Variants in RABGAP1L observed in about 807,000 individuals in gnomAD.
RABGAP1L encodes the protein RAB GTPase activating protein 1 like.
Under a neutral mutation model 137.7 loss-of-function variants are expected in RABGAP1L, and 63 were observed. The observed-to-expected ratio is 0.46, with a 90% CI of 0.37 to 0.56. The LOEUF (loss-of-function observed/expected upper bound fraction) is 0.56, where lower values mean the gene tolerates loss of function less well. Among genes scored for constraint, RABGAP1L ranks in the 20% least tolerant of loss-of-function variants. RABGAP1L has a pLI of 0.00. For missense variants in RABGAP1L, 1,095 were observed against 1,244.0 expected (o/e 0.88, Z 1.80); for synonymous variants, 431 against 433.7 (o/e 0.99, Z 0.08).
chr1:174,575,512 C>G (rs1668306902), intron 13 of RABGAP1L, among the ~76,000 whole-genome samples: 1 of 151,964 alleles, frequency 6.6e-6, no homozygotes, highest in Non-Finnish European at 1.5e-5. Context: ...AAATTTTAAG[C>G]AAGGTCTTGT....
In RABGAP1L at chr1:174,349,126, C is replaced by T. The variant is rs1408782966; in HGVS notation, c.1466-21853C>T. Among the ~76,000 whole-genome samples, 1,278 of 129,486 alleles carry T rather than the reference C, an allele frequency of 9.9e-3. 19 individuals are homozygous for T. Among genetic ancestry groups the T allele is most frequent in the African/African-American group, 0.037 (1,194 of 32,370 alleles). The allele number at this position is 129,486 out of a possible 152,430, so 84.9% of individuals were successfully genotyped here. On this transcript the variant is annotated intron_variant, in intron 11 of 25. Coordinates refer to ENST00000681986, the MANE Select transcript of RABGAP1L (RefSeq NM_001366446.1). The stretch of plus-strand genomic sequence containing the variant: ...GGGGCTGACACCCCCACCTCCCGGA[C>T]GGGGCGGCTGGCCGGGCAGAGGGGC...
intron 11 of RABGAP1L, among the ~76,000 whole-genome samples, chr1:174,357,645 C>A (rs2148952002): frequency 6.6e-6 from 1 of 152,272 alleles, no homozygotes; most frequent in South Asian, 2.1e-4. Flanking sequence ...AAAGGAAGGA[C>A]TGGCCAGTTT....
chr1:174,486,829 T>C (rs578121328), intron 13 of RABGAP1L, among the ~76,000 whole-genome samples: 9 of 152,256 alleles, frequency 5.9e-5, no homozygotes, highest in Admixed American at 3.3e-4. Context: ...GTATGTTATA[T>C]TTTTATTATC....
chr1:174,166,834 T>C (rs555398729), intron 1 of RABGAP1L, among the ~76,000 whole-genome samples: 2 of 152,330 alleles, frequency 1.3e-5, no homozygotes, highest in Admixed American at 6.5e-5. Context: ...CAGAGACTGC[T>C]TAATAGCTCA....
chr1:174,710,980 G>A (rs1008527858), intron 17 of RABGAP1L, among the ~76,000 whole-genome samples: 1 of 152,178 alleles, frequency 6.6e-6, no homozygotes, highest in Non-Finnish European at 1.5e-5. Flanking sequence ...GGAGGCTCAG[G>A]CATGGCGGGC....
intron 14 of RABGAP1L, among the ~76,000 whole-genome samples, chr1:174,671,314 C>G (rs1677159430): frequency 6.6e-6 from 1 of 152,084 alleles, no homozygotes; most frequent in Non-Finnish European, 1.5e-5. Flanking sequence ...ATTTGGATGC[C>G]TTTTATTTCT....
intron 13 of RABGAP1L, among the ~76,000 whole-genome samples, chr1:174,412,251 T>C (rs1345736886): frequency 6.6e-6 from 1 of 152,206 alleles, no homozygotes; most frequent in Non-Finnish European, 1.5e-5. Flanking sequence ...TTTTGTTGGC[T>C]TAAAGTGTGT....
At chr1:174,238,032 T>C (rs1232447942) in intron 4 of RABGAP1L, among the ~76,000 whole-genome samples, 6 of 151,920 alleles carry the variant, frequency 3.9e-5, no homozygotes, top group South Asian at 2.1e-4. Flanking sequence ...CATCTTCCAT[T>C]GCTGATACCC....
At chr1:174,641,473 T>C (rs940933230) in intron 14 of RABGAP1L, among the ~76,000 whole-genome samples, 1 of 152,188 alleles carries the variant, frequency 6.6e-6, no homozygotes, top group African/African-American at 2.4e-5. Context: ...TGCAAATTAA[T>C]AGATTTCTGC....
At chr1:174,606,122 A>T (rs1382876360) in intron 13 of RABGAP1L, among the ~76,000 whole-genome samples, 1 of 152,204 alleles carries the variant, frequency 6.6e-6, no homozygotes, top group African/African-American at 2.4e-5. Context: ...TTTGACATTC[A>T]TGCATAGCTT....
In RABGAP1L at chr1:174,991,014, T is replaced by G. The variant is rs934270051; in HGVS notation, c.*1013T>G. ...GAGGTCAGGCTCACATCATCTTAGT[T>G]TAATGCTGGGCAACTTTTTCTGATT... On this transcript the variant is annotated 3_prime_UTR_variant, in exon 26 of 26. Transcript: ENST00000681986. The G allele has an allele frequency of 6.6e-6, 1 of 152,220 alleles. No individual in the cohort carries two copies. The highest frequency in any genetic ancestry group is 2.4e-5 in the African/African-American group (1 of 41,472). 9.4% of individuals were successfully genotyped at this position (152,220 alleles called of 1,614,324 possible). A position where few individuals can be genotyped will look rare whatever the true frequency, so the allele number is the denominator to read the frequency against.
At chr1:174,521,565 GA>G (rs1255407856) in intron 13 of RABGAP1L, among the ~76,000 whole-genome samples, 1 of 152,162 alleles carries the variant, frequency 6.6e-6, no homozygotes, top group Admixed American at 6.5e-5. Context: ...CAAAAGTAAA[GA>G]AGTTTTTAAA....
intron 14 of RABGAP1L, among the ~76,000 whole-genome samples, chr1:174,678,572 A>C (rs1677816305): frequency 6.6e-6 from 1 of 152,228 alleles, no homozygotes; most frequent in Non-Finnish European, 1.5e-5. Context: ...GATATATTTT[A>C]ACCACATTAA....
chr1:174,817,799 A>C (rs546808187), intron 19 of RABGAP1L, among the ~76,000 whole-genome samples: 1 of 152,310 alleles, frequency 6.6e-6, no homozygotes, highest in South Asian at 2.1e-4. Flanking sequence ...AAGAGACCAG[A>C]GTTTTTGTAA....
chr1:174,412,425 G>T (rs1038041750), intron 13 of RABGAP1L, among the ~76,000 whole-genome samples: 2 of 151,990 alleles, frequency 1.3e-5, no homozygotes, highest in African/African-American at 4.8e-5. Context: ...TTGTGATTCT[G>T]TGCCTTTTAA....
intron 13 of RABGAP1L, among the ~76,000 whole-genome samples, chr1:174,530,025 G>T (rs1036388295): frequency 6.6e-6 from 1 of 152,098 alleles, no homozygotes; most frequent in Admixed American, 6.5e-5. Context: ...TACCAGCCAT[G>T]TTACGCAGGA....
chr1:174,316,130 G>A (rs1003145259), intron 11 of RABGAP1L, among the ~76,000 whole-genome samples: 1 of 152,146 alleles, frequency 6.6e-6, no homozygotes, highest in Non-Finnish European at 1.5e-5. Context: ...ATAGATTTGT[G>A]AATTCCTTCT....
intron 1 of RABGAP1L, among the ~76,000 whole-genome samples, chr1:174,181,332 C>CTTTTTTTTTTTTTTTTTT (rs1201957112): frequency 1.4e-5 from 2 of 142,822 alleles, no homozygotes; most frequent in Non-Finnish European, 3.1e-5. Flanking sequence ...AAGGGTCTTT[C>CTTTTTTTTTTTTTTTTTT]TTTTTTTCTT....
At chr1:174,214,012 C>T (rs1015667219) in intron 1 of RABGAP1L, among the ~76,000 whole-genome samples, 2 of 152,022 alleles carry the variant, frequency 1.3e-5, no homozygotes, top group Non-Finnish European at 2.9e-5. Flanking sequence ...CAAGAGAAAG[C>T]AATAAAGGGC....
Sources: gnomAD v4.1 joint callset for allele counts (sites outside exome capture counted in the v4.1 genomes callset) on GRCh38, gnomAD v4.1.1 for gene constraint, MANE v1.5 for transcripts, NCBI Gene and HGNC (gene_info 2026-07-23, HGNC 2026-07-21) for gene names.